Variants in ASH1L observed in about 807,000 individuals in gnomAD.
The protein encoded by ASH1L is histone-lysine N-methyltransferase ASH1L.
A neutral mutation model predicts 269.0 loss-of-function variants in ASH1L; 23 were observed. The observed-to-expected ratio is 0.09, with a 90% CI of 0.06 to 0.12. ASH1L has a LOEUF of 0.12. Ranked by LOEUF, ASH1L falls within the 10% of genes least tolerant of loss-of-function variation. ASH1L has a pLI of 1.00. For missense variants in ASH1L, 2,912 were observed against 3,567.8 expected (o/e 0.82, Z 4.68); for synonymous variants, 1,187 against 1,253.5 (o/e 0.95, Z 1.12).
At chr1:155,515,880 T>G (rs1202602810) in intron 2 of ASH1L, among the ~76,000 whole-genome samples, 1 of 151,424 alleles carries the variant, frequency 6.6e-6, no homozygotes, top group African/African-American at 2.4e-5. Flanking sequence ...CTGCAATTAC[T>G]TTTGCACCAA....
At chr1:155,527,451 C>T (rs1408033913) in intron 1 of ASH1L, among the ~76,000 whole-genome samples, 1 of 151,952 alleles carries the variant, frequency 6.6e-6, no homozygotes, top group Non-Finnish European at 1.5e-5. Flanking sequence ...ATTCTCAGTC[C>T]TCTCATCTTA....
rs1279398523 is a variant in ASH1L at position 155,524,201 on chromosome 1, C to G, written c.-99-2583G>C. On this transcript the variant is annotated intron_variant, in intron 1 of 27. Transcript: ENST00000392403. ...ATCATGTTCATTTCTGCTTATGTGT[C>G]ATATAAACATACACACTCTCCCTTT... 2.0e-5 allele frequency among the ~76,000 whole-genome samples: 3 copies of G among 152,078 alleles called. No homozygotes were observed. The East Asian group carries it at 5.8e-4, about 29-fold the overall frequency.
At chr1:155,489,844 G>A (rs1015196235) in intron 2 of ASH1L, among the ~76,000 whole-genome samples, 1 of 112,602 alleles carries the variant, frequency 8.9e-6, no homozygotes, top group African/African-American at 2.9e-5. Context: ...ATAACAATAT[G>A]GTAAACATCC....
chr1:155,533,699 C>G (rs986267566), intron 1 of ASH1L, among the ~76,000 whole-genome samples: 1 of 146,622 alleles, frequency 6.8e-6, no homozygotes, highest in Non-Finnish European at 1.5e-5. Context: ...GCCTGGATGA[C>G]AGAGCGAGAC....
At chr1:155,354,090 G>C (rs946727946) in intron 16 of ASH1L, among the ~76,000 whole-genome samples, 6 of 152,216 alleles carry the variant, frequency 3.9e-5, no homozygotes, top group Non-Finnish European at 5.9e-5. Flanking sequence ...AATACTAAAA[G>C]GAGTTGTTAA....
chr1:155,548,047 T>G (rs1670948516), intron 1 of ASH1L, among the ~76,000 whole-genome samples: 1 of 152,124 alleles, frequency 6.6e-6, no homozygotes, highest in Non-Finnish European at 1.5e-5. Context: ...GCCATCATCC[T>G]CAGCAAACTA....
chr1:155,532,903 A>ATATG (rs949601415), intron 1 of ASH1L, among the ~76,000 whole-genome samples: 2 of 146,334 alleles, frequency 1.4e-5, no homozygotes, highest in Admixed American at 6.8e-5. Flanking sequence ...GTATGTATGT[A>ATATG]TATGTATGTA....
At chr1:155,466,216 T>C (rs1664688915) in intron 3 of ASH1L, among the ~76,000 whole-genome samples, 1 of 152,010 alleles carries the variant, frequency 6.6e-6, no homozygotes, top group South Asian at 2.1e-4. Context: ...TAGCCAGGCG[T>C]GGTGGCGGGC....
intron 1 of ASH1L, among the ~76,000 whole-genome samples, chr1:155,540,752 A>G (rs1353859978): frequency 1.3e-5 from 2 of 152,000 alleles, no homozygotes; most frequent in African/African-American, 4.8e-5. Context: ...CTGAGTGACA[A>G]CACGAGACCC....
chr1:155,520,472 G>A (rs1668810189), intron 2 of ASH1L: 1 of 151,862 alleles, frequency 6.6e-6, no homozygotes. Flanking sequence ...AAACTGTATG[G>A]TATATGAATC....
At chr1:155,555,090 C>T (rs1180784043) in intron 1 of ASH1L, among the ~76,000 whole-genome samples, 1 of 145,598 alleles carries the variant, frequency 6.9e-6, no homozygotes, top group Non-Finnish European at 1.5e-5. Context: ...TGCAGTGAGC[C>T]GAGATCGTGC....
chr1:155,347,686 T>G lies in ASH1L; in HGVS notation c.7773A>C (p.Glu2591Asp). ...ACTTGTCACACTGGATCATGAGACC[T>G]TCATCCTTGTAGAGGCCACAGATAC... ...IRCICGLYKD[E>D]GLMIQCDKCM... Residue 2591 changes from glutamate (E) to aspartate (D), a missense_variant, in exon 20 of 28, where the codon GAA becomes GAC. Physicochemically the swap from Glu to Asp is conservative, Grantham distance 45. Coordinates refer to ENST00000392403, the MANE Select transcript of ASH1L (RefSeq NM_018489.3). 1 of 1,614,166 alleles carries G rather than the reference T, an allele frequency of 6.2e-7. No homozygotes were observed.
chr1:155,560,003 T>C (rs547050434), intron 1 of ASH1L, among the ~76,000 whole-genome samples: 73 of 152,198 alleles, frequency 4.8e-4, no homozygotes, highest in Non-Finnish European at 9.1e-4. Flanking sequence ...AGTCCTTTAC[T>C]AATACTGCAG....
intron 4 of ASH1L, among the ~76,000 whole-genome samples, chr1:155,446,815 G>A (rs1663074992): frequency 6.6e-6 from 1 of 151,148 alleles, no homozygotes; most frequent in African/African-American, 2.4e-5. Context: ...AGTAGAGACG[G>A]GGTTTCATCG....
In ASH1L at chr1:155,436,448, T is replaced by C. The variant is rs909432450; in HGVS notation, c.5828+1879A>G. On this transcript the variant is annotated intron_variant, in intron 5 of 27. Coordinates refer to ENST00000392403, the MANE Select transcript of ASH1L (RefSeq NM_018489.3). ...CTCAGGTGATCCAGCTGCCTCAGCCTCCCAAAGTGCTGGGATTACAGGCGT... is the reference window on the plus strand; with the variant it reads ...CTCAGGTGATCCAGCTGCCTCAGCCCCCCAAAGTGCTGGGATTACAGGCGT... Among the ~76,000 whole-genome samples, 8 of 146,370 alleles carry C rather than the reference T, an allele frequency of 5.5e-5. No individual in the cohort carries two copies. In the East Asian group the frequency reaches 1.3e-3, roughly 24 times the overall value.
intron 21 of ASH1L, chr1:155,346,157 C>T (rs1183296904): frequency 7.0e-7 from 1 of 1,433,026 alleles, no homozygotes; most frequent in Non-Finnish European, 9.3e-7. Context: ...TTATATAGTG[C>T]CATTCCTTCC....
chr1:155,384,986 A>T (rs1463897389), intron 7 of ASH1L, among the ~76,000 whole-genome samples: 1 of 151,788 alleles, frequency 6.6e-6, no homozygotes, highest in African/African-American at 2.4e-5. Context: ...ACGCTGAGTA[A>T]TATGTATTAT....
chr1:155,440,658 T>A (rs1662476795), intron 4 of ASH1L: 2 of 271,220 alleles, frequency 7.4e-6, no homozygotes, highest in Non-Finnish European at 1.1e-5. Context: ...CTATAGTTTT[T>A]AAAAACTTTC....
At chr1:155,550,502 C>T (rs1671124669) in intron 1 of ASH1L, among the ~76,000 whole-genome samples, 1 of 152,220 alleles carries the variant, frequency 6.6e-6, no homozygotes, top group Admixed American at 6.5e-5. Context: ...ACTATTCCCC[C>T]CTTTACTGTT....
Sources: gnomAD v4.1 joint callset for allele counts (sites outside exome capture counted in the v4.1 genomes callset) on GRCh38, gnomAD v4.1.1 for gene constraint, MANE v1.5 for transcripts, NCBI Gene and HGNC (gene_info 2026-07-23, HGNC 2026-07-21) for gene names.